GET1: variants seen among roughly 807,000 people sequenced by gnomAD.
GET1 encodes the protein congenital heart disease 5 protein.
A neutral mutation model predicts 22.6 loss-of-function variants in GET1; 20 were observed. The ratio of observed to expected loss-of-function variants is 0.89; its 90% CI spans 0.62 to 1.29. GET1 has a LOEUF of 1.29. GET1 is among the 50% of genes most tolerant of loss of function. GET1 has a pLI of 0.00. For synonymous variants in GET1, 92 were observed against 83.8 expected (o/e 1.10, Z -0.53); for missense variants, 209 against 219.9 (o/e 0.95, Z 0.31).
chr21:39,422,921 C>T (rs552769824), intron 1 of GET1: 3 of 1,513,358 alleles, frequency 2.0e-6, no homozygotes, highest in Admixed American at 1.9e-5. Context: ...TTAATTCACA[C>T]CCTCTCTCTA....
At chr21:39,405,409 G>T (rs1188618399) in intron 4 of GET1, among the ~76,000 whole-genome samples, 1 of 152,118 alleles carries the variant, frequency 6.6e-6, no homozygotes, top group East Asian at 1.9e-4. Context: ...GGCCAGGCTG[G>T]TCTTAAACTC....
chr21:39,383,370 C>CT (rs965445661), intron 1 of GET1, among the ~76,000 whole-genome samples: 25 of 151,964 alleles, frequency 1.6e-4, no homozygotes, highest in Admixed American at 2.6e-4. Flanking sequence ...CAACCTCTGC[C>CT]CCCCGAGTTC....
intron 1 of GET1, among the ~76,000 whole-genome samples, chr21:39,427,267 G>T (rs1019378809): frequency 5.3e-5 from 8 of 152,298 alleles, no homozygotes; most frequent in African/African-American, 1.7e-4. Context: ...ATGGGAGGAA[G>T]GAATTACAGT....
chr21:39,385,664 C>G (rs2037836500), intron 1 of GET1, among the ~76,000 whole-genome samples: 1 of 152,186 alleles, frequency 6.6e-6, no homozygotes, highest in Non-Finnish European at 1.5e-5. Context: ...CTGGCGGGGG[C>G]TGAGGGTCCA....
In GET1 at chr21:39,380,423, G is replaced by T; in HGVS notation, c.39G>T (p.Leu13=). The change falls in exon 1 of 5, where the codon CTG becomes CTT. Residue 13 remains leucine, a synonymous_variant. Transcript: ENST00000649170. ...SAAADHWAWL[L]VLSFVFGCNV... ...CGGCCGACCACTGGGCGTGGTTGCT[G>T]GTGCTCAGCTTCGTGTTTGGATGCA... is the stretch of plus-strand genomic sequence containing the variant. The T allele has an allele frequency of 6.2e-7, 1 of 1,612,644 alleles. No homozygotes were observed.
At chr21:39,395,176 T>C (rs1569041838) in intron 4 of GET1, among the ~76,000 whole-genome samples, 1 of 152,022 alleles carries the variant, frequency 6.6e-6, no homozygotes, top group East Asian at 1.9e-4. Context: ...CCTGGCAAAT[T>C]TCTTTATTAA....
exon 5 of GET1, chr21:39,406,356 G>T (rs780739817): frequency 5.0e-6 from 8 of 1,614,180 alleles, no homozygotes; most frequent in Non-Finnish European, 5.9e-6. Flanking sequence ...GGCCTTTCGT[G>T]TAGGGAGCAG....
chr21:39,387,877 G>GT, intron 1 of GET1: 1 of 973,336 alleles, frequency 1.0e-6, no homozygotes, highest in African/African-American at 1.8e-5. Context: ...GGGGGAGGGG[G>GT]GGGGATCTGA....
intron 4 of GET1, among the ~76,000 whole-genome samples, chr21:39,394,278 C>G (rs1449350238): frequency 1.3e-5 from 2 of 152,148 alleles, no homozygotes; most frequent in African/African-American, 4.8e-5. Flanking sequence ...GAGCTGAGAT[C>G]ACGCCAGTGT....
chr21:39,422,894 A>AG, intron 1 of GET1: 3 of 1,252,180 alleles, frequency 2.4e-6, no homozygotes, highest in South Asian at 1.4e-5. Flanking sequence ...TTTGTTACAG[A>AG]GGGGGCGCAT....
At chr21:39,405,997 G>T in exon 5 of GET1, 1 of 1,614,180 alleles carries the variant, frequency 6.2e-7, no homozygotes, top group Non-Finnish European at 8.5e-7. Flanking sequence ...GGGAGGCAGG[G>T]GATGCGACTC....
At chr21:39,395,914 A>T (rs1185355892) in intron 4 of GET1, among the ~76,000 whole-genome samples, 1 of 152,174 alleles carries the variant, frequency 6.6e-6, no homozygotes, top group Non-Finnish European at 1.5e-5. Context: ...ATAGGTAGAC[A>T]TTGCTTTGTT....
chr21:39,403,582 A>G (rs1884109331), intron 4 of GET1, among the ~76,000 whole-genome samples: 1 of 150,604 alleles, frequency 6.6e-6, no homozygotes, highest in Non-Finnish European at 1.5e-5. Flanking sequence ...TCGGCCTCCC[A>G]AAGTGCTGGG....
Position 39,387,699 on chromosome 21 carries a change from C to A in GET1, c.103-2999C>A, listed in dbSNP as rs6517548. On this transcript the variant is annotated intron_variant, in intron 1 of 4. Coordinates refer to ENST00000649170, the MANE Select transcript of GET1 (RefSeq NM_004627.6). ...CCCCCTACTCCCCACACTCCCCCCC[C>A]CCACTTTTGCCTCATCACGCAGGCG... 1,438 of 801,530 alleles carry A rather than the reference C, an allele frequency of 1.8e-3. 49 individuals carry two copies. The African/African-American group carries it at 0.025, about 14-fold the overall frequency. The allele number at this position is 801,530 out of a possible 1,614,324, so 49.7% of individuals were successfully genotyped here. A position where few individuals can be genotyped will look rare whatever the true frequency, so the allele number is the denominator to read the frequency against.
At chr21:39,418,490 TTTTTA>T (rs904759623) in intron 1 of GET1, among the ~76,000 whole-genome samples, 3 of 152,124 alleles carry the variant, frequency 2.0e-5, no homozygotes, top group East Asian at 3.9e-4. Flanking sequence ...AAAATGGTTA[TTTTTA>T]TTTTATTTTT....
chr21:39,409,320 A>G (rs1004630405), downstream of GET1, among the ~76,000 whole-genome samples: 5 of 152,152 alleles, frequency 3.3e-5, no homozygotes, highest in Non-Finnish European at 7.3e-5. This position sits in a 1 kb window ranked among gnomAD's most constrained non-coding sequence, Gnocchi z 4.2. Flanking sequence ...GAGAAAATAA[A>G]TAAGTGTTGT....
At chr21:39,380,935 G>GGGGGCA in intron 1 of GET1, 5 of 187,964 alleles carry the variant, frequency 2.7e-5, no homozygotes, top group Non-Finnish European at 4.9e-5. Flanking sequence ...GGTAGGGTGG[G>GGGGGCA]AGACAGGTGT....
At chr21:39,401,708 C>G (rs1195239349), downstream of GET1, among the ~76,000 whole-genome samples, 8 of 152,194 alleles carry the variant, frequency 5.3e-5, no homozygotes, top group East Asian at 1.3e-3. Flanking sequence ...TCGAGCAAGT[C>G]TGTCAGCGCC....
Position 39,390,847 on chromosome 21 carries a change from T to G in GET1, c.252T>G (p.Asp84Glu). Residue 84 changes from aspartate to glutamate, a missense_variant, in exon 2 of 5, where the codon GAT becomes GAG. Coordinates refer to ENST00000649170, the MANE Select transcript of GET1 (RefSeq NM_004627.6). ...AAAGAAAGATCAACAAGATGACGGA[T>G]AAGCTCAAAACCCATGGTACTGTGT... is the stretch of plus-strand genomic sequence containing the variant. Reference protein sequence around the residue: ...RLERKINKMTDKLKTHVKART... With the variant: ...RLERKINKMTEKLKTHVKART... 2.5e-6 allele frequency: 4 copies of G among 1,614,140 alleles called. No individual in the cohort carries two copies. The highest frequency in any genetic ancestry group is 2.2e-5 in the South Asian group (2 of 91,080).
Sources: gnomAD v4.1 joint callset for allele counts (sites outside exome capture counted in the v4.1 genomes callset) on GRCh38, gnomAD v4.1.1 for gene constraint, Gnocchi (gnomAD v3.1) non-coding constraint, MANE v1.5 for transcripts, NCBI Gene and HGNC (gene_info 2026-07-23, HGNC 2026-07-21) for gene names.